Variants in SLC10A7 observed in about 807,000 individuals in gnomAD.
SLC10A7 encodes the protein solute carrier family 10 member 7, also known as sodium/bile acid cotransporter 7.
A neutral mutation model predicts 43.2 loss-of-function variants in SLC10A7; 29 were observed. The ratio of observed to expected loss-of-function variants is 0.67; its 90% confidence interval spans 0.50 to 0.92. The LOEUF is 0.92. Among genes scored for constraint, SLC10A7 ranks in the 40% least tolerant of loss-of-function variants. The probability of loss-of-function intolerance (pLI) is 0.00; values close to 1 mark genes in which losing one functional copy is unlikely to be tolerated. For missense variants in SLC10A7, 295 were observed against 403.2 expected (o/e 0.73, Z 2.30); for synonymous variants, 152 against 144.8 (o/e 1.05, Z -0.35).
chr4:146,456,029 T>C (rs991208805), intron 4 of SLC10A7, among the ~76,000 whole-genome samples: 1 of 151,622 alleles, frequency 6.6e-6, no homozygotes, highest in Non-Finnish European at 1.5e-5. Flanking sequence ...GTGTAAATAC[T>C]CCCACCACGG....
chr4:146,376,301 A>C (rs2245282), intron 5 of SLC10A7, among the ~76,000 whole-genome samples: 1,597 of 152,266 alleles, frequency 0.01, 23 homozygotes, highest in African/African-American at 0.036. Flanking sequence ...GGATAGGAGG[A>C]GGGGAAATAC....
intron 10 of SLC10A7, among the ~76,000 whole-genome samples, chr4:146,278,297 G>A (rs753899262): frequency 2.1e-4 from 32 of 152,088 alleles, no homozygotes; most frequent in Non-Finnish European, 3.5e-4. Context: ...TAGACCAATT[G>A]TAGAGTAGTT....
chr4:146,357,288 A>G (rs1002706119), intron 5 of SLC10A7, among the ~76,000 whole-genome samples: 2 of 152,200 alleles, frequency 1.3e-5, no homozygotes, highest in African/African-American at 2.4e-5. Context: ...AGACTTACAG[A>G]GTTACCAGGA....
rs1196749752 is a variant in SLC10A7, at chr4:146,348,834, A to T, written c.436-22838T>A. Among the ~76,000 whole-genome samples the T allele has an allele frequency of 3.3e-5, 5 of 152,332 alleles. No individual in the cohort carries two copies. The East Asian group carries it at 7.7e-4, about 23-fold the overall frequency. The stretch of plus-strand genomic sequence containing the variant: ...ATAATAATTTTCTATTACTTTAAAG[A>T]GTGTGTAACAGTCGCACTTTGTCAT... On this transcript the variant is annotated intron_variant, in intron 5 of 11. Transcript: ENST00000335472.
intron 1 of SLC10A7, among the ~76,000 whole-genome samples, chr4:146,520,977 T>TACACA (rs1328618954): frequency 1.3e-5 from 2 of 152,082 alleles, no homozygotes; most frequent in African/African-American, 4.8e-5. Context: ...TACACTACAC[T>TACACA]ACACATAGTC....
At position 146,306,353 on chromosome 4, in the gene SLC10A7, CCTGTCTGT is replaced by C. The variant is rs1731570016; in HGVS notation, c.472-352_472-345del. Among the ~76,000 whole-genome samples, 6 of 152,100 alleles carry C rather than the reference CCTGTCTGT, an allele frequency of 3.9e-5. No homozygotes were observed. In the South Asian group the frequency reaches 1.2e-3, roughly 32 times the overall value. On this transcript the variant is annotated intron_variant, in intron 6 of 11. Coordinates refer to ENST00000335472, the MANE Select transcript of SLC10A7 (RefSeq NM_001029998.6). ...TACAGGTTATGTGATTTTTATTTCA[CCTGTCTGT>C]AGATATCTAAAATAAATGTCTCATT... is the stretch of plus-strand genomic sequence containing the variant.
chr4:146,406,567 G>A (rs773207826), intron 5 of SLC10A7, among the ~76,000 whole-genome samples: 4 of 152,166 alleles, frequency 2.6e-5, no homozygotes, highest in African/African-American at 7.2e-5. Flanking sequence ...CAAATGGAGC[G>A]TGCTGTTTAA....
At chr4:146,446,356 C>G (rs1731074881) in intron 4 of SLC10A7, among the ~76,000 whole-genome samples, 1 of 152,050 alleles carries the variant, frequency 6.6e-6, no homozygotes. Context: ...GTGGGCAGAT[C>G]ACTTGAGGTC....
At position 146,442,581 on chromosome 4, in the gene SLC10A7, A is replaced by G. The variant is rs1226898871; in HGVS notation, c.435+202T>C. ...TCATTAAATGGAATTTTAAAACCCAAACCTCCAAAATATATTGTAAGAGAA... is the reference window on the plus strand; with the variant it reads ...TCATTAAATGGAATTTTAAAACCCAGACCTCCAAAATATATTGTAAGAGAA... On this transcript the variant is annotated intron_variant, in intron 5 of 11. Transcript: ENST00000335472. 4 of 1,406,790 alleles carry G rather than the reference A, an allele frequency of 2.8e-6. No homozygotes were observed. In the African/African-American group the frequency reaches 6.0e-5, roughly 21 times the overall value. The allele number at this position is 1,406,790 out of a possible 1,614,324, so 87.1% of individuals were successfully genotyped here.
At chr4:146,257,118 C>T (rs1372019900) in intron 11 of SLC10A7, among the ~76,000 whole-genome samples, 1 of 152,176 alleles carries the variant, frequency 6.6e-6, no homozygotes, top group African/African-American at 2.4e-5. Flanking sequence ...AAATAATTTT[C>T]TTCATTCTTT....
chr4:146,351,089 A>G (rs914090756), intron 5 of SLC10A7, among the ~76,000 whole-genome samples: 4 of 151,450 alleles, frequency 2.6e-5, no homozygotes, highest in African/African-American at 9.8e-5. Flanking sequence ...ACTCTGAGCT[A>G]CAGGAGGACA....
chr4:146,499,690 T>G (rs2150023108), intron 4 of SLC10A7, among the ~76,000 whole-genome samples: 1 of 152,324 alleles, frequency 6.6e-6, no homozygotes, highest in South Asian at 2.1e-4. Context: ...TATGAAAAAT[T>G]ATATCTTATA....
intron 4 of SLC10A7, among the ~76,000 whole-genome samples, chr4:146,448,763 C>G (rs1339151213): frequency 6.6e-6 from 1 of 152,050 alleles, no homozygotes; most frequent in African/African-American, 2.4e-5. Context: ...GGAGAATACC[C>G]TTAGGAGAAT....
At chr4:146,404,173 C>G (rs746542862) in intron 5 of SLC10A7, among the ~76,000 whole-genome samples, 1 of 152,114 alleles carries the variant, frequency 6.6e-6, no homozygotes, top group Non-Finnish European at 1.5e-5. Context: ...CACCACTATA[C>G]CTGGCTAATT....
intron 5 of SLC10A7, among the ~76,000 whole-genome samples, chr4:146,331,274 A>G (rs1239209899): frequency 6.6e-6 from 1 of 152,210 alleles, no homozygotes; most frequent in African/African-American, 2.4e-5. Context: ...CTTTAATGTC[A>G]TCTTGGAGTA....
chr4:146,341,011 CA>C (rs1734227425), intron 5 of SLC10A7, among the ~76,000 whole-genome samples: 1 of 151,742 alleles, frequency 6.6e-6, no homozygotes, highest in African/African-American at 2.4e-5. Flanking sequence ...AATCTATGCA[CA>C]GCACATTAGT....
At chr4:146,305,868 T>G in intron 7 of SLC10A7, 58 bp downstream of exon 7, 1 of 1,426,076 alleles carries the variant, frequency 7.0e-7, no homozygotes. Flanking sequence ...TCTGACATTA[T>G]GTAAGATTTC....
At chr4:146,443,822 A>G (rs1360700059) in intron 4 of SLC10A7, among the ~76,000 whole-genome samples, 1 of 152,198 alleles carries the variant, frequency 6.6e-6, no homozygotes, top group Non-Finnish European at 1.5e-5. Flanking sequence ...GGCTCCAGAG[A>G]GCTTAGCTCT....
intron 5 of SLC10A7, among the ~76,000 whole-genome samples, chr4:146,402,065 C>T (rs1055540053): frequency 2.6e-5 from 4 of 152,058 alleles, no homozygotes; most frequent in African/African-American, 9.7e-5. Flanking sequence ...ACATGATACC[C>T]CATTGGTGGA....
Sources: gnomAD v4.1 joint callset for allele counts (sites outside exome capture counted in the v4.1 genomes callset) on GRCh38, gnomAD v4.1.1 for gene constraint, MANE v1.5 for transcripts, NCBI Gene and HGNC (gene_info 2026-07-23, HGNC 2026-07-21) for gene names.